TMEM135: variants seen among roughly 807,000 people sequenced by gnomAD.
The protein encoded by TMEM135 is transmembrane protein 135.
A neutral mutation model predicts 60.3 loss-of-function variants in TMEM135; 30 were observed. That is an observed-to-expected ratio of 0.50 (90% confidence interval 0.37 to 0.68). The LOEUF is 0.68. Among genes scored for constraint, TMEM135 ranks in the 30% least tolerant of loss-of-function variants. The pLI is 0.00. For missense variants in TMEM135, 468 were observed against 548.8 expected (o/e 0.85, Z 1.47); for synonymous variants, 190 against 186.7 (o/e 1.02, Z -0.14).
chr11:87,153,243 T>A (rs947266651), intron 4 of TMEM135, among the ~76,000 whole-genome samples: 16 of 152,214 alleles, frequency 1.1e-4, no homozygotes. Flanking sequence ...TCAGCCATCA[T>A]GCACTCTCAA....
intron 8 of TMEM135, among the ~76,000 whole-genome samples, chr11:87,304,897 T>C (rs538002985): frequency 1.3e-5 from 2 of 152,348 alleles, no homozygotes; most frequent in African/African-American, 4.8e-5. Context: ...TTCTGCTTAC[T>C]TTTTTATGCC....
intron 4 of TMEM135, among the ~76,000 whole-genome samples, chr11:87,147,098 G>A (rs2135253584): frequency 6.6e-6 from 1 of 152,216 alleles, no homozygotes; most frequent in South Asian, 2.1e-4. Context: ...GAGACAGGGG[G>A]ATCACCTGAA....
At chr11:87,198,514 C>G (rs534260137) in intron 5 of TMEM135, among the ~76,000 whole-genome samples, 14 of 147,516 alleles carry the variant, frequency 9.5e-5, no homozygotes, top group African/African-American at 3.3e-4. Context: ...CTCTCCTCCC[C>G]GCTCTGTTTC....
intron 5 of TMEM135, among the ~76,000 whole-genome samples, chr11:87,198,966 A>C (rs534221314): frequency 6.6e-6 from 1 of 152,324 alleles, no homozygotes; most frequent in South Asian, 2.1e-4. Flanking sequence ...GCAGTGCTAT[A>C]ATAGAATTAT....
At chr11:87,189,024 A>G (rs1005052277) in intron 5 of TMEM135, among the ~76,000 whole-genome samples, 6 of 151,654 alleles carry the variant, frequency 4.0e-5, no homozygotes, top group South Asian at 4.2e-4. Context: ...GTTGTGTTCA[A>G]TATTTCATGT....
intron 5 of TMEM135, among the ~76,000 whole-genome samples, chr11:87,218,170 C>A (rs1385922791): frequency 6.6e-6 from 1 of 152,140 alleles, no homozygotes; most frequent in Non-Finnish European, 1.5e-5. Context: ...AGCCCTTCTT[C>A]CCTGCCATGA....
At chr11:87,077,436 C>T (rs911441444) in intron 3 of TMEM135, among the ~76,000 whole-genome samples, 1 of 152,206 alleles carries the variant, frequency 6.6e-6, no homozygotes, top group African/African-American at 2.4e-5. Context: ...GCTGCTCCAT[C>T]CATGGACATG....
At chr11:87,285,715 C>G (rs1470515427) in intron 6 of TMEM135, among the ~76,000 whole-genome samples, 1 of 152,168 alleles carries the variant, frequency 6.6e-6, no homozygotes, top group African/African-American at 2.4e-5. Flanking sequence ...ACAAAGCTTT[C>G]ACAGCGTGGA....
intron 5 of TMEM135, among the ~76,000 whole-genome samples, chr11:87,211,361 G>C (rs563187654): frequency 6.6e-5 from 10 of 152,296 alleles, no homozygotes; most frequent in African/African-American, 2.4e-4. Context: ...AGCTGTCATT[G>C]TGAACTTGTA....
chr11:87,058,134 C>A (rs1949911194), intron 1 of TMEM135, among the ~76,000 whole-genome samples: 2 of 152,148 alleles, frequency 1.3e-5, no homozygotes, highest in South Asian at 4.2e-4. Flanking sequence ...AGCCTACTCA[C>A]ATTAGGAAGG....
intron 4 of TMEM135, among the ~76,000 whole-genome samples, chr11:87,117,101 G>A (rs1424514588): frequency 1.3e-5 from 2 of 152,156 alleles, no homozygotes; most frequent in East Asian, 1.9e-4. Flanking sequence ...GATTACAGGC[G>A]TGAGCCACCG....
chr11:87,204,588 A>G (rs1320836373), intron 5 of TMEM135, among the ~76,000 whole-genome samples: 1 of 152,230 alleles, frequency 6.6e-6, no homozygotes, highest in Non-Finnish European at 1.5e-5. Context: ...TATATACTGT[A>G]TTCTTATAAT....
chr11:87,314,956 A>G (rs1445656912), intron 12 of TMEM135, among the ~76,000 whole-genome samples: 4 of 151,902 alleles, frequency 2.6e-5, no homozygotes, highest in Non-Finnish European at 5.9e-5. Context: ...AATCAACAAT[A>G]CCACAGTATC....
Position 87,067,777 on chromosome 11 carries a change from A to C in TMEM135, c.225A>C (p.Leu75=). ...AGATCCTACAATCCGCTTCATTTCT[A>C]ACTGCTAATGGGGCCTTGTATATGG... The part of the protein sequence containing the change: ...LPEILQSASF[L]TANGALYMAF... The change falls in exon 2 of 15, where the codon CTA becomes CTC. Residue 75 remains leucine (L), a synonymous_variant. Transcript: ENST00000305494. 1 of 1,613,942 alleles carries C rather than the reference A, an allele frequency of 6.2e-7. No individual in the cohort carries two copies. Among genetic ancestry groups the C allele is most frequent in the South Asian group, 1.1e-5 (1 of 91,078 alleles).
chr11:87,049,462 T>G (rs1949822260), intron 1 of TMEM135, among the ~76,000 whole-genome samples: 1 of 112,600 alleles, frequency 8.9e-6, no homozygotes, highest in Admixed American at 9.0e-5. Context: ...AATAAAAGGA[T>G]GGTGGAAGAT....
intron 5 of TMEM135, among the ~76,000 whole-genome samples, chr11:87,175,620 A>G (rs1281367418): frequency 6.6e-6 from 1 of 152,216 alleles, no homozygotes; most frequent in African/African-American, 2.4e-5. Context: ...CTGTTTAAGT[A>G]TGGAACAATT....
chr11:87,298,118 GATTTTTATT>G (rs1333817099), intron 7 of TMEM135, among the ~76,000 whole-genome samples: 2 of 152,170 alleles, frequency 1.3e-5, no homozygotes, highest in Non-Finnish European at 2.9e-5. Context: ...TGGCGGTCGT[GATTTTTATT>G]GTAGACGTAT....
chr11:87,281,259 T>C (rs1269700987), intron 6 of TMEM135, among the ~76,000 whole-genome samples: 2 of 152,132 alleles, frequency 1.3e-5, no homozygotes, highest in Admixed American at 6.5e-5. Context: ...GGCACCCAAA[T>C]AGAAATAGTT....
rs1029603271 is a variant in TMEM135, at chr11:87,270,734, C to T, written c.510-25048C>T. Among the ~76,000 whole-genome samples, 3 of 152,108 alleles carry T rather than the reference C, an allele frequency of 2.0e-5. No homozygotes were observed. The East Asian group carries it at 5.8e-4, about 29-fold the overall frequency. On this transcript the variant is annotated intron_variant, in intron 6 of 14. Coordinates refer to ENST00000305494, the MANE Select transcript of TMEM135 (RefSeq NM_022918.4). ...GGAGAAATAAGAATATTGATCATGA[C>T]ATCAAGTTTCTATAAACTATTGCTT...
Sources: gnomAD v4.1 joint callset for allele counts (sites outside exome capture counted in the v4.1 genomes callset) on GRCh38, gnomAD v4.1.1 for gene constraint, MANE v1.5 for transcripts, NCBI Gene and HGNC (gene_info 2026-07-23, HGNC 2026-07-21) for gene names.